The following ASTN1 variants were observed in gnomAD, a reference collection of about 807,000 sequenced individuals.
The protein encoded by ASTN1 is astrotactin 1, also known as astrotactin-1.
A neutral mutation model predicts 140.7 loss-of-function variants in ASTN1; 41 were observed. The observed-to-expected ratio is 0.29, with a 90% CI of 0.23 to 0.38. ASTN1 has a LOEUF of 0.38. Ranked by LOEUF, ASTN1 falls within the 10% of genes least tolerant of loss-of-function variation. The pLI, the probability that ASTN1 is intolerant of heterozygous loss-of-function variation, is 1.00. For synonymous variants in ASTN1, 640 were observed against 652.2 expected (o/e 0.98, Z 0.29); for missense variants, 1,479 against 1,678.8 (o/e 0.88, Z 2.08).
At chr1:177,143,205 T>C (rs1682553626) in intron 1 of ASTN1, among the ~76,000 whole-genome samples, 1 of 152,212 alleles carries the variant, frequency 6.6e-6, no homozygotes, top group Non-Finnish European at 1.5e-5. Flanking sequence ...GCATTTATGT[T>C]GGAGAAAACC....
At chr1:177,007,289 G>A (rs2101925051) in intron 8 of ASTN1, among the ~76,000 whole-genome samples, 2 of 152,262 alleles carry the variant, frequency 1.3e-5, no homozygotes, top group Non-Finnish European at 2.9e-5. Context: ...CTACTCAGGA[G>A]GCTGAGGCAG....
chr1:176,909,746 G>A (rs972647158), intron 16 of ASTN1, among the ~76,000 whole-genome samples: 4 of 152,050 alleles, frequency 2.6e-5, no homozygotes, highest in Non-Finnish European at 5.9e-5. Context: ...AAGATTTCTA[G>A]ATTCTTTTTA....
chr1:176,860,372 C>T (rs1358169323), downstream of ASTN1, among the ~76,000 whole-genome samples: 1 of 152,214 alleles, frequency 6.6e-6, no homozygotes, highest in Non-Finnish European at 1.5e-5. Flanking sequence ...CTGATCATTA[C>T]TTTTCAAGAG....
At chr1:177,042,048 C>A (rs2101995536) in intron 2 of ASTN1, among the ~76,000 whole-genome samples, 1 of 152,316 alleles carries the variant, frequency 6.6e-6, no homozygotes, top group East Asian at 1.9e-4. Context: ...GTCAAGATTT[C>A]TCTGAATTTG....
intron 16 of ASTN1, among the ~76,000 whole-genome samples, chr1:176,917,466 T>A (rs74127258): frequency 0.03 from 4,586 of 152,214 alleles, 197 homozygotes; most frequent in African/African-American, 0.1. Context: ...TGGGAAGACG[T>A]GCTTATCCTG....
chr1:177,053,837 A>T (rs1677663111), intron 2 of ASTN1, among the ~76,000 whole-genome samples: 1 of 152,156 alleles, frequency 6.6e-6, no homozygotes, highest in Non-Finnish European at 1.5e-5. Context: ...ACTGAAGCCA[A>T]GGTTAGCAGG....
chr1:177,138,543 G>A (rs1166410735), intron 1 of ASTN1, among the ~76,000 whole-genome samples: 1 of 152,162 alleles, frequency 6.6e-6, no homozygotes, highest in Admixed American at 6.5e-5. Flanking sequence ...AGAACACTTG[G>A]TCATTTTGCT....
chr1:177,021,696 C>A (rs1442372986), intron 7 of ASTN1, among the ~76,000 whole-genome samples: 1 of 152,192 alleles, frequency 6.6e-6, no homozygotes, highest in Non-Finnish European at 1.5e-5. Flanking sequence ...TCACATGTAA[C>A]TGAAGGTGTG....
intron 1 of ASTN1, among the ~76,000 whole-genome samples, chr1:177,100,174 A>G (rs1680231069): frequency 6.6e-6 from 1 of 152,160 alleles, no homozygotes. Flanking sequence ...AAAATTAGTT[A>G]ATACAGATGA....
Position 177,061,099 on chromosome 1 carries a change from C to T in ASTN1, c.450G>A (p.Arg150=), listed in dbSNP as rs151015652. The T allele has an allele frequency of 1.4e-5, 22 of 1,606,728 alleles. No homozygotes were observed. Among genetic ancestry groups the T allele is most frequent in the Non-Finnish European group, 1.9e-5 (22 of 1,176,610 alleles). ...PQHESAEEEL[R]ILHISVMGGM... ...TTACCATGACTGAGATGTGGAGGAT[C>T]CTCAGCTCCTCTTCTGCCGACTCAT... Residue 150 remains arginine (R), a synonymous_variant, in exon 2 of 23, where the codon AGG becomes AGA. Coordinates refer to ENST00000361833, the MANE Select transcript of ASTN1 (RefSeq NM_004319.3).
intron 8 of ASTN1, among the ~76,000 whole-genome samples, chr1:176,979,445 T>C (rs1290525618): frequency 6.6e-6 from 1 of 152,160 alleles, no homozygotes; most frequent in African/African-American, 2.4e-5. Context: ...CAGTGTCAAC[T>C]TAAACACACT....
intron 1 of ASTN1, among the ~76,000 whole-genome samples, chr1:177,125,951 G>C (rs1442472557): frequency 7.2e-5 from 11 of 152,010 alleles, no homozygotes; most frequent in Non-Finnish European, 7.4e-5. Context: ...AGCTTCAAAG[G>C]ATGCCCTTTA....
chr1:177,054,656 A>G (rs527267296), intron 2 of ASTN1, among the ~76,000 whole-genome samples: 2 of 152,160 alleles, frequency 1.3e-5, no homozygotes, highest in Non-Finnish European at 2.9e-5. Context: ...TTCACTAAGG[A>G]GTTAGAATAA....
chr1:177,072,439 G>A (rs1013526123), intron 1 of ASTN1, among the ~76,000 whole-genome samples: 10 of 152,100 alleles, frequency 6.6e-5, no homozygotes, highest in Admixed American at 2.6e-4. Flanking sequence ...ATTTGTGTAA[G>A]GTACTCATCA....
At position 177,010,846 on chromosome 1, in the gene ASTN1, T is replaced by C. The variant is rs534638213; in HGVS notation, c.1523+3945A>G. ...TTAGGAATATGTTTTACTGAGATAA[T>C]CCAGATAAATAAAAGTCTAGCTAAC... On this transcript the variant is annotated intron_variant, in intron 8 of 22. Transcript: ENST00000361833. Among the ~76,000 whole-genome samples, 4 of 152,334 alleles carry C rather than the reference T, an allele frequency of 2.6e-5. No individual in the cohort carries two copies. The South Asian group carries it at 8.3e-4, about 32-fold the overall frequency.
At chr1:177,053,960 T>C (rs1677670522) in intron 2 of ASTN1, among the ~76,000 whole-genome samples, 1 of 152,190 alleles carries the variant, frequency 6.6e-6, no homozygotes, top group Non-Finnish European at 1.5e-5. Flanking sequence ...CTTGTAGCGT[T>C]ATTAGTGTCA....
intron 2 of ASTN1, among the ~76,000 whole-genome samples, chr1:177,045,675 T>G (rs1677180759): frequency 6.6e-6 from 1 of 152,182 alleles, no homozygotes; most frequent in South Asian, 2.1e-4. Context: ...TCACTCTAGC[T>G]CCTACCTTTT....
Position 176,923,091 on chromosome 1 carries a change from A to G in ASTN1, c.2671+11061T>C, listed in dbSNP as rs143307449. Among the ~76,000 whole-genome samples, 14 of 152,324 alleles carry G rather than the reference A, an allele frequency of 9.2e-5. 1 individual carries two copies. The highest frequency in any genetic ancestry group is 2.1e-4 in the South Asian group (1 of 4,824). ...GTAAATTTCTCAAGAACCACATCTA[A>G]TAAAAATTTTGATGCAATTCTGTCT... On this transcript the variant is annotated intron_variant, in intron 16 of 22. Coordinates refer to ENST00000361833, the MANE Select transcript of ASTN1 (RefSeq NM_004319.3).
chr1:177,159,634 A>C (rs1647236353), intron 1 of ASTN1, among the ~76,000 whole-genome samples: 1 of 152,224 alleles, frequency 6.6e-6, no homozygotes, highest in Admixed American at 6.5e-5. Flanking sequence ...AGTTCTAAGC[A>C]CAAGACCACC....
Sources: allele counts gnomAD v4.1 joint callset (sites outside exome capture counted in the v4.1 genomes callset), GRCh38; gene constraint gnomAD v4.1.1; transcripts MANE v1.5; gene names NCBI Gene and HGNC (gene_info 2026-07-23, HGNC 2026-07-21).